The following PAX1 variants were observed in gnomAD, a reference collection of about 807,000 sequenced individuals.
PAX1 encodes paired box 1, also known as paired box protein Pax-1.
PAX1 carries 18 observed loss-of-function variants against 35.6 expected under a neutral mutation model. That is an observed-to-expected ratio of 0.50 (90% CI 0.35 to 0.75). The LOEUF is 0.75. PAX1 is among the 30% of genes least tolerant of loss of function. The pLI, the probability that PAX1 is intolerant of heterozygous loss-of-function variation, is 0.01. For synonymous variants in PAX1, 397 were observed against 305.2 expected, an observed-to-expected ratio of 1.30 and a Z score of -3.14; for missense variants, 760 against 661.5, an observed-to-expected ratio of 1.15 and a Z score of -1.63.
In PAX1 at chr20:21,714,592, G is replaced by C; in HGVS notation, c.*30G>C. 6.4e-7 allele frequency: 1 copy of C among 1,565,038 alleles called. No individual in the cohort carries two copies. Among genetic ancestry groups the C allele is most frequent in the South Asian group, 1.2e-5 (1 of 85,930 alleles). ...AGCTCTCCCCGGACCCGAGCCCGGA[G>C]GGAACGGCAGGCGGACCCGGGCGCA... is the stretch of plus-strand genomic sequence containing the variant. On this transcript the variant is annotated 3_prime_UTR_variant, in exon 5 of 5. Coordinates refer to ENST00000613128, the MANE Select transcript of PAX1 (RefSeq NM_001257096.2).
At position 21,709,438 on chromosome 20, in the gene PAX1, C is replaced by T. The variant is rs757834842; in HGVS notation, c.1276C>T (p.Arg426Ter). Residue 426 changes from arginine to a stop codon, truncating the protein, a stop_gained, in exon 4 of 5, where the codon CGA (arginine) becomes TGA (stop). Coordinates refer to ENST00000613128, the MANE Select transcript of PAX1 (RefSeq NM_001257096.2). LOFTEE classifies it high-confidence loss of function. ...AAAMTFKHPS[R>*]EVADRKPPSS... The stretch of plus-strand genomic sequence containing the variant: ...AGCAATGACCTTCAAGCATCCCAGC[C>T]GAGAAGGTGAGGAGCGCAGGGAGTG... The T allele has an allele frequency of 1.3e-5, 20 of 1,528,000 alleles. No homozygotes were observed. Among genetic ancestry groups the T allele is most frequent in the Non-Finnish European group, 1.8e-5 (20 of 1,142,700 alleles). The allele number at this position is 1,528,000 out of a possible 1,614,324, so 94.7% of individuals were successfully genotyped here.
rs961439298 is a variant in PAX1 at position 21,706,229 on chromosome 20, C to T, written c.287-209C>T. 3 of 790,788 alleles carry T rather than the reference C, an allele frequency of 3.8e-6. No homozygotes were observed. The African/African-American group carries it at 5.1e-5, about 13-fold the overall frequency. 49.0% of individuals were successfully genotyped at this position (790,788 alleles called of 1,614,324 possible). Reference sequence around the variant, plus strand: ...AAAGGGCACGGAGGGCTACAATGCGCCGCGCTCCACTCCGCGGCTCCTCTG... The same window carrying T: ...AAAGGGCACGGAGGGCTACAATGCGTCGCGCTCCACTCCGCGGCTCCTCTG... On this transcript the variant is annotated intron_variant, in intron 1 of 4. Coordinates refer to ENST00000613128, the MANE Select transcript of PAX1 (RefSeq NM_001257096.2). The surrounding 1 kb of genome is among the most constrained non-coding windows in gnomAD (Gnocchi z 5.3).
chr20:21,712,518 C>G (rs1391400963), intron 4 of PAX1, among the ~76,000 whole-genome samples: 2 of 152,158 alleles, frequency 1.3e-5, no homozygotes, highest in African/African-American at 4.8e-5. Context: ...ACCAGATGCT[C>G]CCTCAAGACA....
rs988952002 is a variant in PAX1, at chr20:21,717,707, T to C, written c.*3145T>C. 6.6e-6 allele frequency: 1 copy of C among 152,184 alleles called. No homozygotes were observed. Among genetic ancestry groups the C allele is most frequent in the African/African-American group, 2.4e-5 (1 of 41,426 alleles). 9.4% of individuals were successfully genotyped at this position (152,184 alleles called of 1,614,324 possible). ...TTTTTTAATTTAAGAATAAGTTTTTTTTAGAAAAATATAGAGATGTAACCC... is the reference window on the plus strand; with the variant it reads ...TTTTTTAATTTAAGAATAAGTTTTTCTTAGAAAAATATAGAGATGTAACCC... On this transcript the variant is annotated 3_prime_UTR_variant, in exon 5 of 5. Coordinates refer to ENST00000613128, the MANE Select transcript of PAX1 (RefSeq NM_001257096.2).
Position 21,714,667 on chromosome 20 carries a change from T to A in PAX1, c.*105T>A, listed in dbSNP as rs908896407. 3 of 1,603,254 alleles carry A rather than the reference T, an allele frequency of 1.9e-6. No homozygotes were observed. In the African/African-American group the frequency reaches 4.0e-5, roughly 21 times the overall value. ...ATCGGCACGGGCAGGATCGGAGGAC[T>A]CGCGGAGGAGGAAGCCAGTGCCGGC... On this transcript the variant is annotated 3_prime_UTR_variant, in exon 5 of 5. Transcript: ENST00000613128.
chr20:21,708,800 CAG>C (rs1249910792), intron 3 of PAX1, 100 bp downstream of exon 3: 29 of 1,258,624 alleles, frequency 2.3e-5, no homozygotes, highest in Non-Finnish European at 3.2e-5. Flanking sequence ...AATTTCCAGG[CAG>C]AGAGATGGTT....
Position 21,708,560 on chromosome 20 carries a change from G to A in PAX1, c.919G>A (p.Ala307Thr). ...GIRTFMEQTG[A>T]LAGSEGTAYS... ...AATCCGTCCTCTCTCTCCTGCAGGG[G>A]CCCTGGCTGGGAGCGAAGGCACCGC... Residue 307 changes from alanine (A) to threonine (T), a missense_variant and splice_region_variant, in exon 3 of 5, where the codon GCC becomes ACC. Ala to Thr is a moderately conservative substitution (Grantham distance 58). Transcript: ENST00000613128. 1 of 1,613,646 alleles carries A rather than the reference G, an allele frequency of 6.2e-7. No individual in the cohort carries two copies. The highest frequency in any genetic ancestry group is 8.5e-7 in the Non-Finnish European group (1 of 1,180,032).
intron 4 of PAX1, among the ~76,000 whole-genome samples, chr20:21,709,687 G>A (rs1985138987): frequency 6.6e-6 from 1 of 152,168 alleles, no homozygotes; most frequent in Admixed American, 6.5e-5. Context: ...CTCCACTTAT[G>A]ATGGGAGAGG....
chr20:21,711,917 C>T (rs1208268959), intron 4 of PAX1, among the ~76,000 whole-genome samples: 1 of 152,162 alleles, frequency 6.6e-6, no homozygotes, highest in Non-Finnish European at 1.5e-5. Context: ...TTAATATCTT[C>T]AAAGAAACCT....
intron 4 of PAX1, 79 bp from the exon 5 acceptor site, chr20:21,714,392 C>T (rs17861056): frequency 0.011 from 11,738 of 1,053,202 alleles, 108 homozygotes; most frequent in Middle Eastern, 0.042. Context: ...CCTCGCTCTG[C>T]AGGCGTCCTG....
At position 21,714,920 on chromosome 20, in the gene PAX1, C is replaced by A. The variant is rs1985319342; in HGVS notation, c.*358C>A. 9.8e-6 allele frequency: 8 copies of A among 818,556 alleles called. No homozygotes were observed. The highest frequency in any genetic ancestry group is 1.6e-5 in the Non-Finnish European group (8 of 490,804). 50.7% of individuals were successfully genotyped at this position (818,556 alleles called of 1,614,324 possible). A position where few individuals can be genotyped will look rare whatever the true frequency, so the allele number is the denominator to read the frequency against. ...TCCGTCTCGCCTCTCTCCCTGTTTC[C>A]TTCCCCCCTCTTTCTTTCTCACTCT... On this transcript the variant is annotated 3_prime_UTR_variant, in exon 5 of 5. Coordinates refer to ENST00000613128, the MANE Select transcript of PAX1 (RefSeq NM_001257096.2).
Position 21,714,904 on chromosome 20 carries a change from C to T in PAX1, c.*342C>T. The stretch of plus-strand genomic sequence containing the variant: ...CACTCCCTTGTCCGTCTCCGTCTCG[C>T]CTCTCTCCCTGTTTCCTTCCCCCCT... On this transcript the variant is annotated 3_prime_UTR_variant, in exon 5 of 5. Coordinates refer to ENST00000613128, the MANE Select transcript of PAX1 (RefSeq NM_001257096.2). The T allele has an allele frequency of 3.3e-6, 3 of 916,398 alleles. No homozygotes were observed. Among genetic ancestry groups the T allele is most frequent in the Non-Finnish European group, 5.2e-6 (3 of 576,360 alleles). 56.8% of individuals were successfully genotyped at this position (916,398 alleles called of 1,614,324 possible).
In PAX1 at chr20:21,714,812, A is replaced by G; in HGVS notation, c.*250A>G. On this transcript the variant is annotated 3_prime_UTR_variant, in exon 5 of 5. Transcript: ENST00000613128. ...CTGAACTTGGGTTTTAGACTGCCGT[A>G]CCCTCCTCACAATCCTTGCTCTGAC... 3 of 1,596,512 alleles carry G rather than the reference A, an allele frequency of 1.9e-6. No homozygotes were observed. The highest frequency in any genetic ancestry group is 2.5e-6 in the Non-Finnish European group (3 of 1,176,920).
In PAX1 at chr20:21,705,874, C is replaced by A; in HGVS notation, c.162C>A (p.Gly54=). 1.4e-6 allele frequency: 2 copies of A among 1,392,804 alleles called. No homozygotes were observed. Among genetic ancestry groups the A allele is most frequent in the East Asian group, 6.6e-5 (2 of 30,392 alleles). The allele number at this position is 1,392,804 out of a possible 1,614,324, so 86.3% of individuals were successfully genotyped here. The part of the protein sequence containing the change: ...RLGRRGSRLS[G]ALPLCLSRGG... Reference sequence around the variant, plus strand: ...GCCGCCGCGGCTCTCGGCTCTCGGGCGCCCTCCCTCTATGCCTCTCACGCG... The same window carrying A: ...GCCGCCGCGGCTCTCGGCTCTCGGGAGCCCTCCCTCTATGCCTCTCACGCG... Residue 54 remains glycine (G), a synonymous_variant, in exon 1 of 5, where the codon GGC becomes GGA. Coordinates refer to ENST00000613128, the MANE Select transcript of PAX1 (RefSeq NM_001257096.2).
chr20:21,706,408 C>T lies in PAX1; in HGVS notation c.287-30C>T, dbSNP rs112306597. ...AACCCGCCGGGTGTTTTCTCCCCCTCCGGCTCACTCTTGTCTGGCGCATCC... is the reference window on the plus strand; with the variant it reads ...AACCCGCCGGGTGTTTTCTCCCCCTTCGGCTCACTCTTGTCTGGCGCATCC... On this transcript the variant is annotated intron_variant, in intron 1 of 4. Coordinates refer to ENST00000613128, the MANE Select transcript of PAX1 (RefSeq NM_001257096.2). The surrounding 1 kb of genome is among the most constrained non-coding windows in gnomAD (Gnocchi z 5.3). The T allele has an allele frequency of 1.1e-4, 178 of 1,609,024 alleles. No homozygotes were observed. The highest frequency in any genetic ancestry group is 8.1e-4 in the African/African-American group (61 of 75,060).
At position 21,706,192 on chromosome 20, in the gene PAX1, C is replaced by A. The variant is rs375636497; in HGVS notation, c.286+194C>A. On this transcript the variant is annotated intron_variant, in intron 1 of 4. Coordinates refer to ENST00000613128, the MANE Select transcript of PAX1 (RefSeq NM_001257096.2). This position sits in a 1 kb window ranked among gnomAD's most constrained non-coding sequence, Gnocchi z 5.3. ...GAAGGGAGTGTTCCAAGTAGACGCGCTAAAAGTCGCGAAAGGGCACGGAGG... is the reference window on the plus strand; with the variant it reads ...GAAGGGAGTGTTCCAAGTAGACGCGATAAAAGTCGCGAAAGGGCACGGAGG... 429 of 773,022 alleles carry A rather than the reference C, an allele frequency of 5.5e-4. 4 individuals carry two copies. In the African/African-American group the frequency reaches 6.7e-3, roughly 12 times the overall value. 47.9% of individuals were successfully genotyped at this position (773,022 alleles called of 1,614,324 possible).
rs758771085 is a variant in PAX1 at position 21,706,774 on chromosome 20, A to G, written c.623A>G (p.Lys208Arg). 1.2e-6 allele frequency: 2 copies of G among 1,613,470 alleles called. No individual in the cohort carries two copies. Residue 208 changes from lysine to arginine, a missense_variant, in exon 2 of 5, where the codon AAG becomes AGG. By Grantham distance (26) the Lys-to-Arg change is conservative (BLOSUM62 2). Around this residue, in one of 3 missense-constraint regions of PAX1, gnomAD observed 490 missense variants for 428.4 expected, o/e 1.14. Transcript: ENST00000613128. The surrounding 1 kb of genome is among the most constrained non-coding windows in gnomAD (Gnocchi z 5.3). Reference protein sequence around the residue: ...DRLLADGVCDKYNVPSVSSIS... With the variant: ...DRLLADGVCDRYNVPSVSSIS... ...CTGCTGGCCGACGGCGTCTGTGACAAGTACAATGTGCCTTCGGTGAGCTCC... is the reference window on the plus strand; with the variant it reads ...CTGCTGGCCGACGGCGTCTGTGACAGGTACAATGTGCCTTCGGTGAGCTCC...
chr20:21,710,642 G>C (rs1407611101), intron 4 of PAX1, among the ~76,000 whole-genome samples: 1 of 133,322 alleles, frequency 7.5e-6, no homozygotes, highest in Non-Finnish European at 1.5e-5. Flanking sequence ...GGCAAAAAGT[G>C]CTATTTCCAA....
intron 4 of PAX1, among the ~76,000 whole-genome samples, chr20:21,713,946 C>T (rs1302735123): frequency 6.6e-6 from 1 of 152,232 alleles, no homozygotes; most frequent in Non-Finnish European, 1.5e-5. Flanking sequence ...TCTCTGGTGG[C>T]TCATTTCCCG....
Sources: allele counts gnomAD v4.1 joint callset (sites outside exome capture counted in the v4.1 genomes callset), GRCh38; gene constraint gnomAD v4.1.1; regional missense constraint gnomAD v4.1.1; non-coding constraint Gnocchi (gnomAD v3.1); transcripts MANE v1.5; gene names NCBI Gene and HGNC (gene_info 2026-07-23, HGNC 2026-07-21).